ST6GALNAC3: variants seen among roughly 807,000 people sequenced by gnomAD.
The protein encoded by ST6GALNAC3 is ST6 N-acetylgalactosaminide alpha-2,6-sialyltransferase 3, also known as alpha-N-acetylgalactosaminide alpha-2,6-sialyltransferase 3.
Under a neutral mutation model 32.7 loss-of-function variants are expected in ST6GALNAC3, and 25 were observed. The observed-to-expected ratio is 0.76, with a 90% CI of 0.56 to 1.07. ST6GALNAC3 has a LOEUF of 1.07. Ranked by LOEUF, ST6GALNAC3 falls within the 50% of genes least tolerant of loss-of-function variation. ST6GALNAC3 has a pLI of 0.00. For missense variants in ST6GALNAC3, 355 were observed against 382.4 expected, an observed-to-expected ratio of 0.93 and a Z score of 0.60; for synonymous variants, 129 against 133.1, an observed-to-expected ratio of 0.97 and a Z score of 0.21.
rs992599969 is a variant in ST6GALNAC3 at position 76,076,798 on chromosome 1, C to A, written c.18+1914C>A. Among the ~76,000 whole-genome samples, 7 of 152,098 alleles carry A rather than the reference C, an allele frequency of 4.6e-5. No individual in the cohort carries two copies. The East Asian group carries it at 1.2e-3, about 25-fold the overall frequency. ...GAAAGATAAGTATCATTGTTTTAAA[C>A]CCCATTTTACAGATGAGAAAGTTGA... On this transcript the variant is annotated intron_variant, in intron 1 of 4. Coordinates refer to ENST00000328299, the MANE Select transcript of ST6GALNAC3 (RefSeq NM_152996.4).
intron 1 of ST6GALNAC3, among the ~76,000 whole-genome samples, chr1:76,096,306 G>A (rs762160869): frequency 5.3e-5 from 8 of 152,124 alleles, no homozygotes; most frequent in Non-Finnish European, 1.2e-4. Flanking sequence ...AACCTGGCAA[G>A]CCTCTTAAGA....
intron 3 of ST6GALNAC3, among the ~76,000 whole-genome samples, chr1:76,551,010 C>T (rs941950791): frequency 3.9e-5 from 6 of 152,090 alleles, no homozygotes; most frequent in African/African-American, 9.7e-5. Flanking sequence ...TCTGCACCCC[C>T]GCCCTGCCTG....
At chr1:76,592,620 C>G (rs993442363) in intron 3 of ST6GALNAC3, among the ~76,000 whole-genome samples, 1 of 152,120 alleles carries the variant, frequency 6.6e-6, no homozygotes, top group Non-Finnish European at 1.5e-5. Flanking sequence ...GACCCTGGCT[C>G]TATCACCGCC....
intron 1 of ST6GALNAC3, among the ~76,000 whole-genome samples, chr1:76,302,395 T>A (rs1660778683): frequency 1.3e-5 from 2 of 152,070 alleles, no homozygotes; most frequent in Non-Finnish European, 2.9e-5. Context: ...TTCCTCTTTC[T>A]CTTCTTGCTG....
intron 3 of ST6GALNAC3, among the ~76,000 whole-genome samples, chr1:76,512,977 AGG>A (rs71714544): frequency 0.43 from 65,396 of 151,336 alleles, 14,528 homozygotes; most frequent in Middle Eastern, 0.49. Flanking sequence ...ATATCTATTT[AGG>A]TATATTGGGT....
chr1:76,295,282 G>A (rs1273444806), intron 1 of ST6GALNAC3, among the ~76,000 whole-genome samples: 1 of 152,072 alleles, frequency 6.6e-6, no homozygotes, highest in East Asian at 1.9e-4. Flanking sequence ...GTATTTTAAG[G>A]TGTTACTAGC....
chr1:76,539,749 G>T (rs964242822), intron 3 of ST6GALNAC3, among the ~76,000 whole-genome samples: 1 of 151,820 alleles, frequency 6.6e-6, no homozygotes, highest in African/African-American at 2.4e-5. Context: ...CAACAAACAG[G>T]AAAAAAATCT....
intron 2 of ST6GALNAC3, among the ~76,000 whole-genome samples, chr1:76,354,425 C>T (rs180796291): frequency 2.6e-5 from 4 of 152,318 alleles, no homozygotes; most frequent in Admixed American, 6.5e-5. Flanking sequence ...TGCACATGTT[C>T]TCAGTACCTG....
At chr1:76,553,109 G>T (rs537555012) in intron 3 of ST6GALNAC3, among the ~76,000 whole-genome samples, 40 of 152,276 alleles carry the variant, frequency 2.6e-4, no homozygotes, top group Non-Finnish European at 4.9e-4. Flanking sequence ...GTGTTTCAAA[G>T]AAATACTTGG....
chr1:76,590,585 C>T, intron 3 of ST6GALNAC3, among the ~76,000 whole-genome samples: 1 of 152,152 alleles, frequency 6.6e-6, no homozygotes, highest in Middle Eastern at 3.4e-3. Context: ...AAGACAAACT[C>T]TCTATGGATG....
intron 2 of ST6GALNAC3, among the ~76,000 whole-genome samples, chr1:76,371,523 T>G (rs1650816305): frequency 1.3e-5 from 2 of 152,106 alleles, no homozygotes; most frequent in Admixed American, 6.6e-5. Context: ...TTGGTTCAGT[T>G]TAGAGGAAGC....
intron 3 of ST6GALNAC3, among the ~76,000 whole-genome samples, chr1:76,517,079 G>C (rs754923559): frequency 6.6e-6 from 1 of 151,364 alleles, no homozygotes; most frequent in Non-Finnish European, 1.5e-5. Flanking sequence ...TGGGATTCTT[G>C]CCTATTTTAT....
chr1:76,151,813 C>T (rs1316686769), intron 1 of ST6GALNAC3, among the ~76,000 whole-genome samples: 1 of 152,142 alleles, frequency 6.6e-6, no homozygotes, highest in Non-Finnish European at 1.5e-5. Flanking sequence ...CCCGGATTCA[C>T]CTTCCCAGGG....
intron 2 of ST6GALNAC3, among the ~76,000 whole-genome samples, chr1:76,369,703 C>G (rs1294265991): frequency 6.6e-6 from 1 of 152,100 alleles, no homozygotes; most frequent in African/African-American, 2.4e-5. Context: ...CTCTCAGAAT[C>G]TCAGAAACTA....
At position 76,318,072 on chromosome 1, in the gene ST6GALNAC3, TAA is replaced by T. The variant is rs905321988; in HGVS notation, c.213+4080_213+4081del. On this transcript the variant is annotated intron_variant, in intron 2 of 4. Transcript: ENST00000328299. ...ATTTTATCAATTAATCTGTTTTTTT[TAA>T]AAAAAATAATCTGTTCCCAGGGGAA... 2.0e-4 allele frequency among the ~76,000 whole-genome samples: 31 copies of T among 151,826 alleles called. 1 individual carries two copies. Among genetic ancestry groups the T allele is most frequent in the African/African-American group, 5.6e-4 (23 of 41,362 alleles).
intron 1 of ST6GALNAC3, among the ~76,000 whole-genome samples, chr1:76,150,575 T>G (rs933771617): frequency 7.9e-5 from 12 of 152,354 alleles, no homozygotes; most frequent in Middle Eastern, 3.4e-3. Context: ...ACTTCAGATT[T>G]TCTGTGGGTA....
intron 1 of ST6GALNAC3, among the ~76,000 whole-genome samples, chr1:76,309,278 C>T (rs749120685): frequency 6.6e-6 from 1 of 152,094 alleles, no homozygotes; most frequent in Non-Finnish European, 1.5e-5. Flanking sequence ...TCGGTTTTTT[C>T]AGCACCTAGC....
intron 3 of ST6GALNAC3, among the ~76,000 whole-genome samples, chr1:76,424,587 G>T (rs1022520891): frequency 4.6e-5 from 7 of 151,918 alleles, no homozygotes; most frequent in Non-Finnish European, 8.8e-5. Context: ...GCTGGCAATT[G>T]TTGAGGAAAT....
At chr1:76,298,872 G>A (rs1660564052) in intron 1 of ST6GALNAC3, among the ~76,000 whole-genome samples, 1 of 151,998 alleles carries the variant, frequency 6.6e-6, no homozygotes, top group African/African-American at 2.4e-5. Context: ...CCACATATAG[G>A]AAATATTGCA....
Sources: allele counts gnomAD v4.1 joint callset (sites outside exome capture counted in the v4.1 genomes callset), GRCh38; gene constraint gnomAD v4.1.1; transcripts MANE v1.5; gene names NCBI Gene and HGNC (gene_info 2026-07-23, HGNC 2026-07-21).